Variants in NCKAP5 observed in about 807,000 individuals in gnomAD.
The protein encoded by NCKAP5 is NCK associated protein 5.
Under a neutral mutation model 167.0 loss-of-function variants are expected in NCKAP5, and 92 were observed. The ratio of observed to expected loss-of-function variants is 0.55; its 90% CI spans 0.47 to 0.66. NCKAP5 has a LOEUF of 0.66. Ranked by LOEUF, NCKAP5 falls within the 30% of genes least tolerant of loss-of-function variation. The pLI, the probability that NCKAP5 is intolerant of heterozygous loss-of-function variation, is 0.00. For synonymous variants in NCKAP5, 891 were observed against 877.4 expected (o/e 1.02, Z -0.27); for missense variants, 2,378 against 2,315.0 (o/e 1.03, Z -0.56).
intron 19 of NCKAP5, among the ~76,000 whole-genome samples, chr2:132,683,904 G>A (rs986644705): frequency 1.3e-5 from 2 of 152,186 alleles, no homozygotes; most frequent in Non-Finnish European, 2.9e-5. Flanking sequence ...AATATTACTG[G>A]ATGTATCAAA....
intron 6 of NCKAP5, among the ~76,000 whole-genome samples, chr2:133,051,403 A>AT (rs2149486064): frequency 6.6e-6 from 1 of 152,266 alleles, no homozygotes; most frequent in Non-Finnish European, 1.5e-5. Context: ...TTTTCATCTC[A>AT]TTTTGCCAGA....
At chr2:133,567,579 G>A (rs757172186) in intron 1 of NCKAP5, among the ~76,000 whole-genome samples, 3 of 151,958 alleles carry the variant, frequency 2.0e-5, no homozygotes, top group Non-Finnish European at 2.9e-5. Context: ...GATACTCAAT[G>A]TGAAAAGAAT....
chr2:133,392,722 T>C (rs980628775), intron 3 of NCKAP5, among the ~76,000 whole-genome samples: 2 of 152,200 alleles, frequency 1.3e-5, no homozygotes, highest in African/African-American at 2.4e-5. Context: ...TCTATATCCA[T>C]TTATCCAAGT....
intron 7 of NCKAP5, among the ~76,000 whole-genome samples, chr2:132,987,920 T>C (rs549812847): frequency 6.6e-6 from 1 of 152,338 alleles, no homozygotes; most frequent in East Asian, 1.9e-4. Flanking sequence ...TAGGTGAAAT[T>C]ACAGTAACTC....
intron 5 of NCKAP5, among the ~76,000 whole-genome samples, chr2:133,192,672 A>T (rs2085279316): frequency 6.6e-6 from 1 of 152,088 alleles, no homozygotes; most frequent in African/African-American, 2.4e-5. Flanking sequence ...TAACCATTAG[A>T]GTAATGCAAA....
At chr2:133,036,545 T>A (rs1414407356) in intron 6 of NCKAP5, among the ~76,000 whole-genome samples, 1 of 152,030 alleles carries the variant, frequency 6.6e-6, no homozygotes, top group African/African-American at 2.4e-5. Context: ...ATTCACCATA[T>A]CAACAGAACG....
chr2:132,674,480 T>A (rs1422638211), intron 19 of NCKAP5, among the ~76,000 whole-genome samples: 1 of 152,208 alleles, frequency 6.6e-6, no homozygotes, highest in Non-Finnish European at 1.5e-5. Flanking sequence ...CACAATGTCC[T>A]GTTTTCCATT....
intron 5 of NCKAP5, among the ~76,000 whole-genome samples, chr2:133,155,155 C>T (rs1453129353): frequency 6.6e-6 from 1 of 152,176 alleles, no homozygotes; most frequent in South Asian, 2.1e-4. Context: ...AATGTTTGTG[C>T]CCTCATCAAT....
intron 15 of NCKAP5, among the ~76,000 whole-genome samples, chr2:132,777,206 G>T (rs1682627522): frequency 6.6e-6 from 1 of 152,114 alleles, no homozygotes; most frequent in Non-Finnish European, 1.5e-5. Flanking sequence ...TGCAGTTCTA[G>T]TTAGGAACTA....
At position 132,857,531 on chromosome 2, in the gene NCKAP5, G is replaced by A. The variant is rs192597416; in HGVS notation, c.807+2961C>T. ...ATTGTTCAGTGTGATTTGAAAGGGG[G>A]AATGCTGAGCATCAGTGAATCCAGA... On this transcript the variant is annotated intron_variant, in intron 11 of 19. Transcript: ENST00000409261. 9.2e-3 allele frequency among the ~76,000 whole-genome samples: 1,401 copies of A among 152,268 alleles called. 10 individuals are homozygous for A. Among genetic ancestry groups the A allele is most frequent in the Non-Finnish European group, 0.013 (909 of 68,020 alleles).
At chr2:133,546,098 C>T (rs954156560) in intron 2 of NCKAP5, among the ~76,000 whole-genome samples, 4 of 151,966 alleles carry the variant, frequency 2.6e-5, no homozygotes, top group South Asian at 4.2e-4. Context: ...CCCACACCCC[C>T]GCCTTGCATG....
At chr2:132,809,216 A>G (rs1294094157) in intron 11 of NCKAP5, among the ~76,000 whole-genome samples, 2 of 152,098 alleles carry the variant, frequency 1.3e-5, no homozygotes, top group African/African-American at 4.8e-5. Context: ...AAAGTTCCAC[A>G]TACTATTGAA....
intron 5 of NCKAP5, among the ~76,000 whole-genome samples, chr2:133,141,529 C>T (rs940680245): frequency 3.3e-5 from 5 of 152,002 alleles, no homozygotes; most frequent in African/African-American, 7.2e-5. Flanking sequence ...TTAGAGTATT[C>T]GCTATAATTA....
At chr2:133,004,910 G>A (rs1238265863) in intron 6 of NCKAP5, among the ~76,000 whole-genome samples, 1 of 152,134 alleles carries the variant, frequency 6.6e-6, no homozygotes, top group Non-Finnish European at 1.5e-5. Context: ...TCCTTGCTGG[G>A]AAAATAATTT....
At chr2:133,300,040 C>A (rs1423553730) in intron 4 of NCKAP5, among the ~76,000 whole-genome samples, 34 of 140,688 alleles carry the variant, frequency 2.4e-4, no homozygotes, top group Admixed American at 7.1e-4. Flanking sequence ...GAAATGGATA[C>A]ATTCCTCGAC....
At chr2:133,092,059 G>A (rs147315389) in intron 6 of NCKAP5, among the ~76,000 whole-genome samples, 133 of 152,270 alleles carry the variant, frequency 8.7e-4, no homozygotes, top group African/African-American at 3.2e-3. Flanking sequence ...CTTAGTGTTT[G>A]AACATGATCA....
intron 7 of NCKAP5, among the ~76,000 whole-genome samples, chr2:132,964,302 T>C (rs1273631872): frequency 2.6e-5 from 4 of 152,182 alleles, no homozygotes; most frequent in African/African-American, 9.7e-5. Context: ...TAAAAGAATA[T>C]AAAATATCAC....
chr2:132,979,175 A>C (rs1055169278), intron 7 of NCKAP5, among the ~76,000 whole-genome samples: 2 of 152,202 alleles, frequency 1.3e-5, no homozygotes, highest in African/African-American at 4.8e-5. Flanking sequence ...TTCAACTTTT[A>C]ATAAAGGAAA....
intron 16 of NCKAP5, among the ~76,000 whole-genome samples, chr2:132,766,304 A>G (rs1381012298): frequency 2.7e-5 from 4 of 150,486 alleles, no homozygotes; most frequent in Admixed American, 1.3e-4. Flanking sequence ...AAAAAAAAAA[A>G]AGAGAAAATC....
Sources: gnomAD v4.1 joint callset for allele counts (sites outside exome capture counted in the v4.1 genomes callset) on GRCh38, gnomAD v4.1.1 for gene constraint, MANE v1.5 for transcripts, NCBI Gene and HGNC (gene_info 2026-07-23, HGNC 2026-07-21) for gene names.